ERG: variants seen among roughly 807,000 people sequenced by gnomAD.
ERG encodes ETS transcription factor ERG, also known as transcriptional regulator ERG.
In ERG, 9 loss-of-function variants were observed where a neutral mutation model predicts 55.3. The observed-to-expected ratio is 0.16, with a 90% confidence interval of 0.10 to 0.28. The LOEUF is 0.28. Among genes scored for constraint, ERG ranks in the 10% least tolerant of loss-of-function variants. The pLI is 1.00. For synonymous variants in ERG, 223 were observed against 237.3 expected, an observed-to-expected ratio of 0.94 and a Z score of 0.55; for missense variants, 434 against 631.6, an observed-to-expected ratio of 0.69 and a Z score of 3.35.
chr21:38,490,125 T>C (rs978874254), intron 1 of ERG, among the ~76,000 whole-genome samples: 1 of 152,154 alleles, frequency 6.6e-6, no homozygotes, highest in Non-Finnish European at 1.5e-5. Flanking sequence ...CGTGAATAAT[T>C]GGGAGCTCAC....
intron 1 of ERG, among the ~76,000 whole-genome samples, chr21:38,617,095 C>T (rs899945251): frequency 6.6e-6 from 1 of 152,184 alleles, no homozygotes; most frequent in African/African-American, 2.4e-5. Flanking sequence ...CTCTGAATGA[C>T]CTCCACGAAG....
At chr21:38,379,729 C>T (rs369495743), downstream of ERG, among the ~76,000 whole-genome samples, 3 of 152,200 alleles carry the variant, frequency 2.0e-5, no homozygotes, top group Admixed American at 1.3e-4. Context: ...TTAATCTGGG[C>T]TGCTTTGTCA....
intron 2 of ERG, among the ~76,000 whole-genome samples, chr21:38,441,400 C>A (rs772162045): frequency 3.3e-5 from 5 of 152,218 alleles, no homozygotes; most frequent in Non-Finnish European, 7.3e-5. Flanking sequence ...ACAAAGCCTG[C>A]GGTTTCCAGA....
intron 1 of ERG, among the ~76,000 whole-genome samples, chr21:38,614,899 G>A (rs1407788722): frequency 6.6e-6 from 1 of 152,206 alleles, no homozygotes; most frequent in East Asian, 1.9e-4. Flanking sequence ...CTCTCCCTCT[G>A]GGGGAAGCCC....
chr21:38,466,300 G>GGTGTGTGTGTGTGTGT (rs145670035), intron 1 of ERG, among the ~76,000 whole-genome samples: 3,837 of 140,614 alleles, frequency 0.027, 67 homozygotes, highest in Non-Finnish European at 0.038. Context: ...GATGGTCTGG[G>GGTGTGTGTGTGTGTGT]GTGTGTGTGT....
chr21:38,569,681 C>A (rs2059945340), intron 2 of ERG, among the ~76,000 whole-genome samples: 2 of 152,268 alleles, frequency 1.3e-5, no homozygotes, highest in Admixed American at 1.3e-4. Context: ...CCTCAGAAGC[C>A]CCTTATGCCT....
rs144516715 is a variant in ERG at position 38,517,668 on chromosome 21, G to A, written c.-41+57994C>T. Among the ~76,000 whole-genome samples the A allele has an allele frequency of 6.9e-4, 105 of 152,120 alleles. 1 individual carries two copies. Among genetic ancestry groups the A allele is most frequent in the African/African-American group, 2.3e-3 (97 of 41,516 alleles). On this transcript the variant is annotated intron_variant, in intron 2 of 8. Coordinates refer to the ERG transcript ENST00000398897. ...AGATACTTGCACCCACATGTTTACC[G>A]CAGCACTATTTACCATAGCAAAGAC...
chr21:38,396,640 C>A (rs1022309320), intron 6 of ERG, among the ~76,000 whole-genome samples: 3 of 152,164 alleles, frequency 2.0e-5, no homozygotes, highest in Non-Finnish European at 4.4e-5. Flanking sequence ...GATGGGGTTG[C>A]AGAACATCAT....
chr21:38,569,718 C>A lies in ERG; in HGVS notation c.-41+5944G>T, dbSNP rs560908517. On this transcript the variant is annotated intron_variant, in intron 2 of 8. Coordinates refer to the ERG transcript ENST00000398897. ...TCCCCTAAAACTCTCCCCTCCCTGA[C>A]AAGGTAATTCCAATGCTGAGTTATG... Among the ~76,000 whole-genome samples the A allele has an allele frequency of 2.0e-5, 3 of 152,338 alleles. No homozygotes were observed. In the South Asian group the frequency reaches 6.2e-4, roughly 32 times the overall value.
intron 9 of ERG, among the ~76,000 whole-genome samples, chr21:38,390,674 T>G (rs929702945): frequency 6.6e-6 from 1 of 152,166 alleles, no homozygotes; most frequent in Non-Finnish European, 1.5e-5. Context: ...CCTGCCACCA[T>G]GACACTCTGA....
chr21:38,411,187 C>T (rs1268490937), intron 3 of ERG, among the ~76,000 whole-genome samples: 3 of 152,206 alleles, frequency 2.0e-5, no homozygotes, highest in Non-Finnish European at 4.4e-5. Flanking sequence ...AATAAAGAGC[C>T]TACCTCAAGA....
At chr21:38,588,348 C>T (rs1396572846), upstream of ERG, among the ~76,000 whole-genome samples, 2 of 152,122 alleles carry the variant, frequency 1.3e-5, no homozygotes, top group African/African-American at 2.4e-5. Flanking sequence ...AAGCCCTGCC[C>T]CTGGCCAGTG....
At chr21:38,638,032 G>A (rs761044206) in intron 1 of ERG, among the ~76,000 whole-genome samples, 7 of 152,210 alleles carry the variant, frequency 4.6e-5, no homozygotes, top group African/African-American at 7.2e-5. Flanking sequence ...CAGAGAAAAC[G>A]AAGATCTAAG....
chr21:38,402,521 G>A (rs778147506), intron 5 of ERG, 36 bp downstream of exon 5: 11 of 1,537,210 alleles, frequency 7.2e-6, no homozygotes, highest in Non-Finnish European at 9.0e-6. Flanking sequence ...AAGACCCTAC[G>A]CTCTTGCTGG....
intron 1 of ERG, among the ~76,000 whole-genome samples, chr21:38,478,033 A>G (rs1221182789): frequency 6.6e-6 from 1 of 152,224 alleles, no homozygotes; most frequent in Non-Finnish European, 1.5e-5. Context: ...CTCTTTTTCC[A>G]GTAGGTAAGT....
At chr21:38,604,171 G>A (rs1289948228) in intron 1 of ERG, among the ~76,000 whole-genome samples, 5 of 151,166 alleles carry the variant, frequency 3.3e-5, no homozygotes, top group Admixed American at 1.3e-4. Context: ...GGAGAATGGC[G>A]TGAACCCGGG....
Position 38,397,849 on chromosome 21 carries a change from A to C in ERG, c.745+2725T>G, listed in dbSNP as rs1057493439. 2.6e-5 allele frequency among the ~76,000 whole-genome samples: 4 copies of C among 152,098 alleles called. No homozygotes were observed. In the East Asian group the frequency reaches 7.7e-4, roughly 29 times the overall value. Reference sequence around the variant, plus strand: ...TGTCTCCTCTATCAGGGACTCTATAATGAAACGGCCACCATGCAGAGAAGA... The same window carrying C: ...TGTCTCCTCTATCAGGGACTCTATACTGAAACGGCCACCATGCAGAGAAGA... On this transcript the variant is annotated intron_variant, in intron 6 of 9. Coordinates refer to ENST00000288319, the MANE Select transcript of ERG (RefSeq NM_182918.4).
rs368632488 is a variant in ERG at position 38,406,385 on chromosome 21, C to G, written c.389-2676G>C. On this transcript the variant is annotated intron_variant, in intron 3 of 9. Transcript: ENST00000288319. ...GTTCACTGAAGTTCAGATGACTCTTCGTCATTGGCTGAGAATTTGGCTTTC... is the reference window on the plus strand; with the variant it reads ...GTTCACTGAAGTTCAGATGACTCTTGGTCATTGGCTGAGAATTTGGCTTTC... Among the ~76,000 whole-genome samples the G allele has an allele frequency of 3.9e-5, 6 of 152,136 alleles. No individual in the cohort carries two copies. In the East Asian group the frequency reaches 9.6e-4, roughly 24 times the overall value.
intron 2 of ERG, among the ~76,000 whole-genome samples, chr21:38,553,551 T>A (rs751897328): frequency 3.9e-5 from 6 of 152,186 alleles, no homozygotes; most frequent in Non-Finnish European, 5.9e-5. Flanking sequence ...TCATCTAATC[T>A]TCAACAAAGT....
Sources: allele counts gnomAD v4.1 joint callset (sites outside exome capture counted in the v4.1 genomes callset), GRCh38; gene constraint gnomAD v4.1.1; transcripts MANE v1.5; gene names NCBI Gene and HGNC (gene_info 2026-07-23, HGNC 2026-07-21).